ACTL8: variants seen among roughly 807,000 people sequenced by gnomAD.
ACTL8 encodes actin like 8.
ACTL8 carries 3 observed loss-of-function variants against 9.3 expected under a neutral mutation model. The ratio of observed to expected loss-of-function variants is 0.32; its 90% CI spans 0.15 to 0.83. The LOEUF (loss-of-function observed/expected upper bound fraction) is 0.83. ACTL8 is among the 40% of genes least tolerant of loss of function. The probability of loss-of-function intolerance (pLI) is 0.57; values close to 1 mark genes in which losing one functional copy is unlikely to be tolerated. For synonymous variants in ACTL8, 224 were observed against 205.9 expected, an observed-to-expected ratio of 1.09 and a Z score of -0.75; for missense variants, 381 against 492.2, an observed-to-expected ratio of 0.77 and a Z score of 2.14.
At chr1:17,814,712 A>G (rs1313140660) in intron 1 of ACTL8, among the ~76,000 whole-genome samples, 6 of 151,690 alleles carry the variant, frequency 4.0e-5, no homozygotes, top group African/African-American at 1.5e-4. Flanking sequence ...ACGCAGTACC[A>G]GTTCGTAGCA....
chr1:17,776,318 C>T (rs2066117619), intron 1 of ACTL8, among the ~76,000 whole-genome samples: 2 of 152,166 alleles, frequency 1.3e-5, no homozygotes, highest in South Asian at 4.1e-4. Context: ...GGGTTCAAAC[C>T]AGATCCTGTG....
chr1:17,817,202 T>A (rs1370933722), intron 1 of ACTL8, among the ~76,000 whole-genome samples: 2 of 152,064 alleles, frequency 1.3e-5, no homozygotes, highest in Non-Finnish European at 2.9e-5. Flanking sequence ...TTTTTTTTTT[T>A]TCTGATCTGG....
At chr1:17,790,914 G>A (rs1323300689) in intron 1 of ACTL8, among the ~76,000 whole-genome samples, 1 of 152,226 alleles carries the variant, frequency 6.6e-6, no homozygotes, top group African/African-American at 2.4e-5. Context: ...TGCACATCTG[G>A]CTGGGCTGTG....
At chr1:17,771,079 A>G (rs1430565679) in intron 1 of ACTL8, among the ~76,000 whole-genome samples, 1 of 152,200 alleles carries the variant, frequency 6.6e-6, no homozygotes, top group Admixed American at 6.5e-5. Context: ...AGGGGCGGCA[A>G]ACTTTTTCTG....
At chr1:17,788,800 G>T (rs1233744477) in intron 1 of ACTL8, among the ~76,000 whole-genome samples, 1 of 152,222 alleles carries the variant, frequency 6.6e-6, no homozygotes, top group Admixed American at 6.5e-5. Flanking sequence ...CAGAGTGGGT[G>T]CCCACCATAG....
intron 1 of ACTL8, among the ~76,000 whole-genome samples, chr1:17,805,291 G>C (rs764856126): frequency 6.7e-5 from 10 of 149,994 alleles, no homozygotes; most frequent in Non-Finnish European, 1.2e-4. Context: ...TTCATCTTCT[G>C]TCATCTTCTA....
At position 17,826,703 on chromosome 1, in the gene ACTL8, C is replaced by A; in HGVS notation, c.*184C>A. 1.9e-6 allele frequency: 1 copy of A among 535,398 alleles called. No individual in the cohort carries two copies. Among genetic ancestry groups the A allele is most frequent in the Non-Finnish European group, 3.0e-6 (1 of 333,624 alleles). The allele number at this position is 535,398 out of a possible 1,614,324, so 33.2% of individuals were successfully genotyped here. A position where few individuals can be genotyped will look rare whatever the true frequency, so the allele number is the denominator to read the frequency against. On this transcript the variant is annotated 3_prime_UTR_variant, in exon 3 of 3. Coordinates refer to ENST00000375406, the MANE Select transcript of ACTL8 (RefSeq NM_030812.3). The surrounding 1 kb of genome is among the most constrained non-coding windows in gnomAD (Gnocchi z 4.5). ...ATCTTGTTGCAAGAGTGGGACCTACCCAAGGGGGAAGACAAGATGTCATCC... is the reference window on the plus strand; with the variant it reads ...ATCTTGTTGCAAGAGTGGGACCTACACAAGGGGGAAGACAAGATGTCATCC...
chr1:17,776,917 T>G (rs949513132), intron 1 of ACTL8, among the ~76,000 whole-genome samples: 3 of 147,710 alleles, frequency 2.0e-5, no homozygotes, highest in African/African-American at 7.4e-5. Flanking sequence ...CTCCCACCTC[T>G]GCCTCCTGAG....
At chr1:17,782,496 C>T (rs1018983500) in intron 1 of ACTL8, among the ~76,000 whole-genome samples, 13 of 152,214 alleles carry the variant, frequency 8.5e-5, no homozygotes, top group Non-Finnish European at 1.2e-4. Context: ...TAGATCGCCA[C>T]GGCGGCCACC....
chr1:17,814,489 C>G (rs12567179), intron 1 of ACTL8, among the ~76,000 whole-genome samples: 3 of 151,512 alleles, frequency 2.0e-5, no homozygotes, highest in Admixed American at 2.0e-4. Context: ...GTATTCAGTA[C>G]AATAACACGC....
intron 1 of ACTL8, among the ~76,000 whole-genome samples, chr1:17,784,047 A>G (rs753864330): frequency 2.6e-5 from 4 of 152,312 alleles, no homozygotes; most frequent in Middle Eastern, 6.8e-3. Flanking sequence ...GTCCATTTTC[A>G]TACTGATATA....
Position 17,823,312 on chromosome 1 carries a change from G to A in ACTL8, c.304G>A (p.Glu102Lys), listed in dbSNP as rs758261864. 19 of 1,613,932 alleles carry A rather than the reference G, an allele frequency of 1.2e-5. No individual in the cohort carries two copies. Among genetic ancestry groups the A allele is most frequent in the Admixed American group, 3.3e-5 (2 of 60,006 alleles). Residue 102 changes from glutamate to lysine, a missense_variant, in exon 2 of 3, where the codon GAG (glutamate) becomes AAG (lysine). Transcript: ENST00000375406. This position sits in a 1 kb window ranked among gnomAD's most constrained non-coding sequence, Gnocchi z 5.3. ...EQEVPPVIIT[E>K]TPLREPADRK... ...AGAGGTCCCCCCTGTGATCATCACG[G>A]AGACACCCTTGAGGGAGCCTGCGGA...
intron 1 of ACTL8, among the ~76,000 whole-genome samples, chr1:17,813,446 A>G (rs1364638697): frequency 6.6e-6 from 1 of 152,260 alleles, no homozygotes; most frequent in Non-Finnish European, 1.5e-5. Flanking sequence ...CAGATTTAAA[A>G]TATTGAACCA....
chr1:17,763,769 C>T (rs1015771458), intron 1 of ACTL8, among the ~76,000 whole-genome samples: 1 of 152,200 alleles, frequency 6.6e-6, no homozygotes, highest in Non-Finnish European at 1.5e-5. Context: ...CCTCCCCCTG[C>T]AGAAAAGGAT....
chr1:17,825,532 G>A (rs933023674), intron 2 of ACTL8, among the ~76,000 whole-genome samples: 3 of 152,140 alleles, frequency 2.0e-5, no homozygotes, highest in African/African-American at 4.8e-5. Context: ...CCTCTTCACC[G>A]AAGTGGTCTT....
intron 1 of ACTL8, among the ~76,000 whole-genome samples, chr1:17,761,461 G>C (rs2066003205): frequency 6.6e-6 from 1 of 152,166 alleles, no homozygotes. Flanking sequence ...GACTCTGTGT[G>C]ATCCGCCCAG....
chr1:17,773,579 G>C (rs4920637), intron 1 of ACTL8, among the ~76,000 whole-genome samples: 8 of 152,196 alleles, frequency 5.3e-5, no homozygotes, highest in Admixed American at 4.6e-4. Flanking sequence ...CATTTCCAGA[G>C]TGCCCGGTTC....
Position 17,805,080 on chromosome 1 carries a change from C to T in ACTL8, c.-24-17905C>T, listed in dbSNP as rs140261689. 5.1e-3 allele frequency among the ~76,000 whole-genome samples: 779 copies of T among 152,242 alleles called. 8 individuals are homozygous for T. The highest frequency in any genetic ancestry group is 0.017 in the African/African-American group (706 of 41,548). Reference sequence around the variant, plus strand: ...TCCTAACAAGGCCCTAGATGCCCTGCGCACCTCACTTCTCCAGGACCTCAC... The same window carrying T: ...TCCTAACAAGGCCCTAGATGCCCTGTGCACCTCACTTCTCCAGGACCTCAC... On this transcript the variant is annotated intron_variant, in intron 1 of 2. Transcript: ENST00000375406.
In ACTL8 at chr1:17,805,422, G is replaced by A. The variant is rs113127897; in HGVS notation, c.-24-17563G>A. The stretch of plus-strand genomic sequence containing the variant: ...TTTTTTTGAGATTAAGTCTCCCTCT[G>A]TCACCCAGGCTGGAGTGCAGTGGCG... On this transcript the variant is annotated intron_variant, in intron 1 of 2. Transcript: ENST00000375406. Among the ~76,000 whole-genome samples the A allele has an allele frequency of 2.0e-3, 237 of 116,874 alleles. 1 individual carries two copies. The highest frequency in any genetic ancestry group is 0.014 in the South Asian group (50 of 3,642). The allele number at this position is 116,874 out of a possible 152,430, so 76.7% of individuals were successfully genotyped here.
Sources: gnomAD v4.1 joint callset for allele counts (sites outside exome capture counted in the v4.1 genomes callset) on GRCh38, gnomAD v4.1.1 for gene constraint, Gnocchi (gnomAD v3.1) non-coding constraint, MANE v1.5 for transcripts, NCBI Gene and HGNC (gene_info 2026-07-23, HGNC 2026-07-21) for gene names.